TPCN1: variants seen among roughly 807,000 people sequenced by gnomAD.
TPCN1 encodes the protein two pore channel protein 1.
TPCN1 carries 52 observed loss-of-function variants against 108.8 expected under a neutral mutation model. The ratio of observed to expected loss-of-function variants is 0.48; its 90% CI spans 0.38 to 0.60. The LOEUF (loss-of-function observed/expected upper bound fraction) is 0.60, where lower values mean the gene tolerates loss of function less well. Ranked by LOEUF, TPCN1 falls within the 20% of genes least tolerant of loss-of-function variation. The pLI is 0.00. For synonymous variants in TPCN1, 446 were observed against 433.7 expected (o/e 1.03, Z -0.35); for missense variants, 806 against 1,072.8 (o/e 0.75, Z 3.47).
At chr12:113,261,133 G>A (rs889175302) in intron 3 of TPCN1, among the ~76,000 whole-genome samples, 1 of 152,022 alleles carries the variant, frequency 6.6e-6, no homozygotes, top group African/African-American at 2.4e-5. Context: ...GCAGTGAGCC[G>A]AGATCGCACC....
chr12:113,257,950 T>C (rs1179856985), intron 2 of TPCN1, among the ~76,000 whole-genome samples: 2 of 152,094 alleles, frequency 1.3e-5, no homozygotes, highest in African/African-American at 2.4e-5. Context: ...TAAATATATA[T>C]ATTATATGTA....
Position 113,296,299 on chromosome 12 carries a change from TC to T in TPCN1, c.*224del. 4 of 592,328 alleles carry T rather than the reference TC, an allele frequency of 6.8e-6. No individual in the cohort carries two copies. In the South Asian group the frequency reaches 7.8e-5, roughly 12 times the overall value. The allele number at this position is 592,328 out of a possible 1,614,324, so 36.7% of individuals were successfully genotyped here. The stretch of plus-strand genomic sequence containing the variant: ...GAGGGGTGGGGGTGCGGCCACCAGG[TC>T]TGAGCTCTTCCTACTGTGGAAGGCT... On this transcript the variant is annotated 3_prime_UTR_variant, in exon 28 of 28. Transcript: ENST00000335509.
intron 2 of TPCN1, among the ~76,000 whole-genome samples, chr12:113,259,747 G>C (rs75057362): frequency 4.6e-5 from 7 of 152,196 alleles, no homozygotes; most frequent in Admixed American, 3.9e-4. Flanking sequence ...TTATTGCCAG[G>C]CCCAGGTCAC....
Position 113,266,456 on chromosome 12 carries a change from A to G in TPCN1, c.414+100A>G. On this transcript the variant is annotated intron_variant, in intron 4 of 27. Transcript: ENST00000335509. The surrounding 1 kb of genome is among the most constrained non-coding windows in gnomAD (Gnocchi z 4.2). Reference sequence around the variant, plus strand: ...AACATTCTGGGAGGGCAAACACTGCAAACGGACTTAAAACAGAGAGATACG... The same window carrying G: ...AACATTCTGGGAGGGCAAACACTGCGAACGGACTTAAAACAGAGAGATACG... The G allele has an allele frequency of 6.8e-7, 1 of 1,466,292 alleles. No individual in the cohort carries two copies. Among genetic ancestry groups the G allele is most frequent in the Non-Finnish European group, 9.3e-7 (1 of 1,079,928 alleles). The allele number at this position is 1,466,292 out of a possible 1,614,324, so 90.8% of individuals were successfully genotyped here.
chr12:113,234,917 A>G (rs1333428870), intron 2 of TPCN1, among the ~76,000 whole-genome samples: 3 of 152,196 alleles, frequency 2.0e-5, no homozygotes, highest in African/African-American at 7.2e-5. Flanking sequence ...TATGTCTTCA[A>G]TGTATAGTGA....
At chr12:113,230,041 T>C (rs1486152472) in intron 2 of TPCN1, among the ~76,000 whole-genome samples, 1 of 152,186 alleles carries the variant, frequency 6.6e-6, no homozygotes, top group Non-Finnish European at 1.5e-5. Flanking sequence ...GGCAAGTCAG[T>C]CTAGAATCCC....
chr12:113,272,044 T>C lies in TPCN1; in HGVS notation c.749-614T>C, dbSNP rs897746144. On this transcript the variant is annotated intron_variant, in intron 7 of 27. Coordinates refer to ENST00000335509, the MANE Select transcript of TPCN1 (RefSeq NM_017901.6). This position sits in a 1 kb window ranked among gnomAD's most constrained non-coding sequence, Gnocchi z 4.1. ...CCCGGCCCTCGTGACTGCCTTGTCC[T>C]GAGTCATGGCTCTCACTTCCTCCCA... is the stretch of plus-strand genomic sequence containing the variant. Among the ~76,000 whole-genome samples the C allele has an allele frequency of 1.3e-5, 2 of 152,226 alleles. No homozygotes were observed. The highest frequency in any genetic ancestry group is 1.9e-4 in the East Asian group (1 of 5,190).
Position 113,272,727 on chromosome 12 carries a change from T to TA in TPCN1, c.783+36dup. 1.2e-6 allele frequency: 2 copies of TA among 1,605,084 alleles called. No homozygotes were observed. Among genetic ancestry groups the TA allele is most frequent in the Admixed American group, 3.3e-5 (2 of 60,028 alleles). ...CAGCACATTTGTCCGTCTCTTCTTT[T>TA]ATGGAGGGCTTTTCCCTCAGACAGG... On this transcript the variant is annotated intron_variant, in intron 8 of 27. Coordinates refer to ENST00000335509, the MANE Select transcript of TPCN1 (RefSeq NM_017901.6). This position sits in a 1 kb window ranked among gnomAD's most constrained non-coding sequence, Gnocchi z 4.1.
intron 14 of TPCN1, among the ~76,000 whole-genome samples, chr12:113,279,556 G>A (rs1304038550): frequency 6.6e-6 from 1 of 150,750 alleles, no homozygotes; most frequent in Admixed American, 6.6e-5. Flanking sequence ...GTGCCACCAT[G>A]CCCGGCTAAT....
intron 2 of TPCN1, among the ~76,000 whole-genome samples, chr12:113,249,235 C>T (rs1308542852): frequency 6.6e-6 from 1 of 152,230 alleles, no homozygotes; most frequent in Non-Finnish European, 1.5e-5. Context: ...CGAGAACCGG[C>T]CACGTGTTCT....
chr12:113,223,435 CTTTTTTT>C, intron 1 of TPCN1, among the ~76,000 whole-genome samples: 1 of 120,294 alleles, frequency 8.3e-6, no homozygotes, highest in African/African-American at 3.1e-5. Context: ...TCTGCTGAGT[CTTTTTTT>C]TTTTTTTTTT....
At chr12:113,271,699 A>G (rs570774993) in intron 7 of TPCN1, among the ~76,000 whole-genome samples, 4 of 152,268 alleles carry the variant, frequency 2.6e-5, no homozygotes, top group African/African-American at 9.6e-5. Context: ...TCTTATCACA[A>G]ATCCCACCGC....
At position 113,278,179 on chromosome 12, in the gene TPCN1, C is replaced by T. The variant is rs925634927; in HGVS notation, c.1185-10C>T. 1.9e-6 allele frequency: 3 copies of T among 1,613,234 alleles called. No individual in the cohort carries two copies. The highest frequency in any genetic ancestry group is 2.2e-5 in the South Asian group (2 of 91,014). On this transcript the variant is annotated splice_polypyrimidine_tract_variant and intron_variant, in intron 12 of 27. Coordinates refer to ENST00000335509, the MANE Select transcript of TPCN1 (RefSeq NM_017901.6). ...TGATATTTTGTCCCTTTTTATTTTGCTTTTGGTAGCCTAAAGGACTTTTAC... is the reference window on the plus strand; with the variant it reads ...TGATATTTTGTCCCTTTTTATTTTGTTTTTGGTAGCCTAAAGGACTTTTAC...
chr12:113,242,939 A>C (rs549175590), intron 2 of TPCN1, among the ~76,000 whole-genome samples: 83 of 152,312 alleles, frequency 5.4e-4, no homozygotes, highest in African/African-American at 1.8e-3. Context: ...ACTGATGGAG[A>C]GTTCCATGAG....
Position 113,272,599 on chromosome 12 carries a change from A to C in TPCN1, c.749-59A>C. On this transcript the variant is annotated intron_variant, in intron 7 of 27. Transcript: ENST00000335509. This position sits in a 1 kb window ranked among gnomAD's most constrained non-coding sequence, Gnocchi z 4.1. ...CATGTATTTGTCCAGTCCTTTTGACACCAGGTTTTGGGACCTCTGCTCTAA... is the reference window on the plus strand; with the variant it reads ...CATGTATTTGTCCAGTCCTTTTGACCCCAGGTTTTGGGACCTCTGCTCTAA... 1 of 1,509,888 alleles carries C rather than the reference A, an allele frequency of 6.6e-7. No homozygotes were observed. Among genetic ancestry groups the C allele is most frequent in the Non-Finnish European group, 9.2e-7 (1 of 1,085,188 alleles). The allele number at this position is 1,509,888 out of a possible 1,614,324, so 93.5% of individuals were successfully genotyped here.
chr12:113,291,821 AC>A, intron 24 of TPCN1, 52 bp from the exon 25 acceptor site: 1 of 1,557,000 alleles, frequency 6.4e-7, no homozygotes. Context: ...AGCCACGGAC[AC>A]CTACCCACCC....
intron 2 of TPCN1, among the ~76,000 whole-genome samples, chr12:113,259,123 C>A (rs61943602): frequency 6.6e-6 from 1 of 151,910 alleles, no homozygotes; most frequent in African/African-American, 2.4e-5. Flanking sequence ...ATTACAGGCA[C>A]CTTCCACCAC....
intron 4 of TPCN1, 98 bp from the exon 5 acceptor site, chr12:113,267,745 A>T: frequency 1.3e-6 from 1 of 765,452 alleles, no homozygotes; most frequent in African/African-American, 1.7e-5. Flanking sequence ...TGTTGGGAGG[A>T]TGTCCTGGGG....
At chr12:113,250,835 G>T (rs1316505869) in intron 2 of TPCN1, among the ~76,000 whole-genome samples, 1 of 151,940 alleles carries the variant, frequency 6.6e-6, no homozygotes, top group East Asian at 1.9e-4. Flanking sequence ...GCACGCCTGT[G>T]TGTTGGTGCA....
Sources: gnomAD v4.1 joint callset for allele counts (sites outside exome capture counted in the v4.1 genomes callset) on GRCh38, gnomAD v4.1.1 for gene constraint, Gnocchi (gnomAD v3.1) non-coding constraint, MANE v1.5 for transcripts, NCBI Gene and HGNC (gene_info 2026-07-23, HGNC 2026-07-21) for gene names.